Variants in KDM5C observed in about 807,000 individuals in gnomAD.
KDM5C encodes the protein lysine demethylase 5C.
A neutral mutation model predicts 110.6 loss-of-function variants in KDM5C; 16 were observed. The observed-to-expected ratio is 0.14, with a 90% CI of 0.10 to 0.22. The LOEUF is 0.22. Ranked by LOEUF, KDM5C falls within the 10% of genes least tolerant of loss-of-function variation. The pLI is 1.00. For synonymous variants in KDM5C, 511 were observed against 520.4 expected (o/e 0.98, Z 0.24); for missense variants, 681 against 1,300.9 (o/e 0.52, Z 7.33).
At chrX:53,190,592 T>C (rs782101560), downstream of KDM5C, among the ~76,000 whole-genome samples, 9 of 111,641 alleles carry the variant, frequency 8.1e-5, no homozygotes, top group Admixed American at 8.5e-4. Context: ...CATGATCAAT[T>C]CCAGCCAAAA....
At position 53,218,104 on chromosome X, in the gene KDM5C, C is replaced by T. The variant is rs782166029; in HGVS notation, c.352-138G>A. On this transcript the variant is annotated intron_variant, in intron 3 of 25. Coordinates refer to ENST00000375401, the MANE Select transcript of KDM5C (RefSeq NM_004187.5). ...ACTGGGGGCTATCCCCTTATCCCAA[C>T]CTCAAATTGCAGCAAAAGATTCCAA... is the stretch of plus-strand genomic sequence containing the variant. The T allele has an allele frequency of 5.7e-4, 507 of 888,125 alleles. 3 individuals carry two copies. In the African/African-American group the frequency reaches 8.3e-3, roughly 15 times the overall value. The allele number at this position is 888,125 out of a possible 1,213,427, so 73.2% of individuals were successfully genotyped here. A position where few individuals can be genotyped will look rare whatever the true frequency, so the allele number is the denominator to read the frequency against.
At chrX:53,181,793 CT>C (rs781919129) in intron 25 of KDM5C, among the ~76,000 whole-genome samples, 348 of 101,307 alleles carry the variant, frequency 3.4e-3, no homozygotes, top group African/African-American at 9.3e-3. Flanking sequence ...TTGGGCCAAA[CT>C]TTTTTTTTTT....
At chrX:53,209,596 G>A (rs1027855612) in intron 12 of KDM5C, among the ~76,000 whole-genome samples, 9 of 111,516 alleles carry the variant, frequency 8.1e-5, no homozygotes, top group African/African-American at 2.6e-4. Flanking sequence ...GCCAAAGAGC[G>A]TGGAAGGGTG....
At chrX:53,219,929 T>C (rs2073851582) in intron 2 of KDM5C, among the ~76,000 whole-genome samples, 1 of 112,249 alleles carries the variant, frequency 8.9e-6, no homozygotes, top group Non-Finnish European at 1.9e-5. Context: ...GATGGGGTCT[T>C]GCTATGTTGC....
At chrX:53,206,477 C>A (rs1556845264) in intron 12 of KDM5C, among the ~76,000 whole-genome samples, 1 of 111,821 alleles carries the variant, frequency 8.9e-6, no homozygotes, top group Admixed American at 9.5e-5. Context: ...CGCAATAAAA[C>A]TTTAAAAAAT....
chrX:53,192,870 C>CCCCCCCCCCCCCCCCCCAA lies in KDM5C; in HGVS notation c.*96_*97insTTGGGGGGGGGGGGGGGGG. 1.8e-6 allele frequency: 1 copy of CCCCCCCCCCCCCCCCCCAA among 548,177 alleles called. No homozygotes were observed. Among genetic ancestry groups the CCCCCCCCCCCCCCCCCCAA allele is most frequent in the Non-Finnish European group, 2.4e-6 (1 of 416,381 alleles). 45.2% of individuals were successfully genotyped at this position (548,177 alleles called of 1,213,427 possible). On this transcript the variant is annotated 3_prime_UTR_variant, in exon 26 of 26. Coordinates refer to ENST00000375401, the MANE Select transcript of KDM5C (RefSeq NM_004187.5). ...GGTAGCAGGGATGGCCACCCCCCTA[C>CCCCCCCCCCCCCCCCCCAA]CCGCCCACCCCCCAAGAAGCAGGCT...
At chrX:53,224,238 C>A (rs1259039278) in intron 1 of KDM5C, among the ~76,000 whole-genome samples, 1 of 112,006 alleles carries the variant, frequency 8.9e-6, no homozygotes, top group African/African-American at 3.3e-5. Flanking sequence ...ATTTCACGGG[C>A]TCAGAGAGAT....
At position 53,216,210 on chromosome X, in the gene KDM5C, A is replaced by G. The variant is rs1602226387; in HGVS notation, c.658-13T>C. On this transcript the variant is annotated splice_polypyrimidine_tract_variant and intron_variant, in intron 5 of 25. Transcript: ENST00000375401. ...CTGTGGGTTCCGGCTGGAAGGAAAG[A>G]AGGAAATGAATCAAGACTGCTATCT... 8.3e-7 allele frequency: 1 copy of G among 1,210,793 alleles called. No individual in the cohort carries two copies. The highest frequency in any genetic ancestry group is 1.7e-5 in the African/African-American group (1 of 57,845).
chrX:53,204,739 AC>A (rs2146883225), intron 12 of KDM5C, among the ~76,000 whole-genome samples: 1 of 110,475 alleles, frequency 9.1e-6, no homozygotes, highest in Non-Finnish European at 1.9e-5. Flanking sequence ...CTCATGATCC[AC>A]CCGCCTCGGC....
chrX:53,202,089 A>T (rs1556842405), intron 12 of KDM5C, 116 bp from the exon 13 acceptor site: 1 of 912,471 alleles, frequency 1.1e-6, no homozygotes, highest in Non-Finnish European at 1.6e-6. Context: ...ACAGTCTGAC[A>T]ACAGAATCCC....
intron 25 of KDM5C, among the ~76,000 whole-genome samples, chrX:53,178,641 ATG>A (rs1257567416): frequency 1.8e-5 from 2 of 112,407 alleles, no homozygotes; most frequent in Non-Finnish European, 3.8e-5. Context: ...ATACACCTAA[ATG>A]TAAAATGCAA....
At chrX:53,197,731 G>C in intron 18 of KDM5C, 40 bp downstream of exon 18, 1 of 1,070,102 alleles carries the variant, frequency 9.3e-7, no homozygotes, top group Middle Eastern at 2.7e-4. Context: ...CAGGTCCCCT[G>C]GTCCCCTTGA....
At chrX:53,188,725 C>T (rs1330944654), downstream of KDM5C, among the ~76,000 whole-genome samples, 2 of 111,465 alleles carry the variant, frequency 1.8e-5, no homozygotes, top group Non-Finnish European at 3.8e-5. Flanking sequence ...GATGGGATCT[C>T]ACATCTGAAA....
chrX:53,205,270 T>G (rs1266677400), intron 12 of KDM5C, among the ~76,000 whole-genome samples: 1 of 112,323 alleles, frequency 8.9e-6, no homozygotes, highest in Non-Finnish European at 1.9e-5. Flanking sequence ...TTCAACCCAA[T>G]GATTCCTCTG....
At position 53,193,621 on chromosome X, in the gene KDM5C, G is replaced by A. The variant is rs1556833050; in HGVS notation, c.4133C>T (p.Ser1378Phe). Residue 1378 changes from serine (S) to phenylalanine (F), a missense_variant, in exon 25 of 26, where the codon TCC (serine) becomes TTC (phenylalanine). Ser to Phe is a radical substitution (Grantham distance 155, BLOSUM62 -2). Transcript: ENST00000375401. Reference sequence around the variant, plus strand: ...GCCAGTCAACTGTGGCAACAGCGAGGACAGCAGCTCCAGATCTAGGAGGTT... The same window carrying A: ...GCCAGTCAACTGTGGCAACAGCGAGAACAGCAGCTCCAGATCTAGGAGGTT... ...GSGKRDLELLSSLLPQLTGPV... is the reference protein window; with the variant it reads ...GSGKRDLELLFSLLPQLTGPV... The A allele has an allele frequency of 4.1e-6, 5 of 1,211,978 alleles. No homozygotes were observed. The highest frequency in any genetic ancestry group is 4.6e-4 in the Middle Eastern group (2 of 4,354).
chrX:53,176,555 G>A (rs1395628485), exon 26 of KDM5C, among the ~76,000 whole-genome samples: 1 of 111,901 alleles, frequency 8.9e-6, no homozygotes, highest in Non-Finnish European at 1.9e-5. Flanking sequence ...ATGTCTCATT[G>A]TCTGGATGTG....
intron 2 of KDM5C, 153 bp from the exon 3 acceptor site, chrX:53,218,551 T>C (rs1460442520): frequency 2.4e-5 from 15 of 635,044 alleles, no homozygotes; most frequent in Non-Finnish European, 3.6e-5. Context: ...CTCTAGGCAG[T>C]GCTTAGCCCC....
At chrX:53,179,229 C>T (rs1344013610) in intron 25 of KDM5C, among the ~76,000 whole-genome samples, 21 of 19,415 alleles carry the variant, frequency 1.1e-3, no homozygotes, top group South Asian at 5.3e-3. Flanking sequence ...AGCAAAACTC[C>T]GTCTCAAAAA....
chrX:53,204,060 T>A (rs1178502799), intron 12 of KDM5C, among the ~76,000 whole-genome samples: 3 of 110,988 alleles, frequency 2.7e-5, no homozygotes, highest in African/African-American at 9.8e-5. Flanking sequence ...CAGTTGTTAA[T>A]CTGTGGCTGC....
Sources: gnomAD v4.1 joint callset for allele counts (sites outside exome capture counted in the v4.1 genomes callset) on GRCh38, gnomAD v4.1.1 for gene constraint, MANE v1.5 for transcripts, NCBI Gene and HGNC (gene_info 2026-07-23, HGNC 2026-07-21) for gene names.